The following CELF2 variants were observed in gnomAD, a reference collection of about 807,000 sequenced individuals.
The protein encoded by CELF2 is CUG triplet repeat RNA-binding protein 2.
In CELF2, 8 loss-of-function variants were observed where a neutral mutation model predicts 62.6. The observed-to-expected ratio is 0.13, with a 90% CI of 0.07 to 0.23. The LOEUF is 0.23. Ranked by LOEUF, CELF2 falls within the 10% of genes least tolerant of loss-of-function variation. The pLI, the probability that CELF2 is intolerant of heterozygous loss-of-function variation, is 1.00. For missense variants in CELF2, 333 were observed against 671.0 expected, an observed-to-expected ratio of 0.50 and a Z score of 5.56; for synonymous variants, 258 against 250.0, an observed-to-expected ratio of 1.03 and a Z score of -0.30.
At chr10:11,073,576 A>G (rs1252888351) in intron 1 of CELF2, among the ~76,000 whole-genome samples, 1 of 152,242 alleles carries the variant, frequency 6.6e-6, no homozygotes. Flanking sequence ...TATGTCAGGC[A>G]CTGTGCCTAA....
At chr10:10,648,444 T>C in the CELF2 span, among the ~76,000 whole-genome samples, 2 of 152,214 alleles carry the variant, frequency 1.3e-5, no homozygotes, top group African/African-American at 4.8e-5. Flanking sequence ...AAAATGCTCT[T>C]TCATGCATAC....
the CELF2 span, among the ~76,000 whole-genome samples, chr10:10,727,987 T>A: frequency 5.9e-3 from 888 of 150,984 alleles, 3 homozygotes; most frequent in Non-Finnish European, 8.0e-3. Context: ...GAGTGAAGAG[T>A]CGGCTGCATA....
Position 11,025,110 on chromosome 10 carries a change from C to T in CELF2, c.74+6947C>T, listed in dbSNP as rs559143337. Reference sequence around the variant, plus strand: ...GACCCTCATTTATTTGACACAAAGACAATCAGTTGGTCTTTTAGGCTAAAA... The same window carrying T: ...GACCCTCATTTATTTGACACAAAGATAATCAGTTGGTCTTTTAGGCTAAAA... On this transcript the variant is annotated intron_variant, in intron 1 of 12. Coordinates refer to ENST00000633077, the MANE Select transcript of CELF2 (RefSeq NM_001326342.2). 2.0e-5 allele frequency among the ~76,000 whole-genome samples: 3 copies of T among 152,102 alleles called. No individual in the cohort carries two copies. In the East Asian group the frequency reaches 5.8e-4, roughly 29 times the overall value.
At position 11,121,509 on chromosome 10, in the gene CELF2, G is replaced by A. The variant is rs77817052; in HGVS notation, c.75-43977G>A. Among the ~76,000 whole-genome samples the A allele has an allele frequency of 9.9e-5, 15 of 152,152 alleles. No individual in the cohort carries two copies. The East Asian group carries it at 2.3e-3, about 23-fold the overall frequency. On this transcript the variant is annotated intron_variant, in intron 1 of 12. Transcript: ENST00000633077. ...CATCTTCCCTTAACAATTATTTGAG[G>A]CCCTACTATGTGGTTGGTACCATGT... is the stretch of plus-strand genomic sequence containing the variant.
the CELF2 span, among the ~76,000 whole-genome samples, chr10:10,661,990 G>A: frequency 6.6e-6 from 1 of 152,096 alleles, no homozygotes; most frequent in Non-Finnish European, 1.5e-5. Context: ...GCAAGTAGAA[G>A]TAGCCTCCCA....
At chr10:11,182,955 C>T (rs2073876334) in intron 2 of CELF2, among the ~76,000 whole-genome samples, 1 of 152,158 alleles carries the variant, frequency 6.6e-6, no homozygotes, top group Non-Finnish European at 1.5e-5. Context: ...ATCAAAGGGT[C>T]TTTTCAACAG....
intron 2 of CELF2, among the ~76,000 whole-genome samples, chr10:11,175,010 G>A (rs2070496811): frequency 6.6e-6 from 1 of 152,074 alleles, no homozygotes; most frequent in African/African-American, 2.4e-5. Flanking sequence ...AGAAAGGGGT[G>A]TTTTTTAGAG....
At chr10:11,160,827 A>G (rs2065559621) in intron 1 of CELF2, among the ~76,000 whole-genome samples, 1 of 152,220 alleles carries the variant, frequency 6.6e-6, no homozygotes, top group Non-Finnish European at 1.5e-5. Context: ...ATTTATAGCC[A>G]TTTGGCAATT....
chr10:10,494,237 G>A, the CELF2 span, among the ~76,000 whole-genome samples: 5 of 152,234 alleles, frequency 3.3e-5, no homozygotes, highest in African/African-American at 1.2e-4. Flanking sequence ...AGGAAGGGAT[G>A]AAAAGGTAGC....
At chr10:10,783,116 G>A in the CELF2 span, among the ~76,000 whole-genome samples, 2 of 152,112 alleles carry the variant, frequency 1.3e-5, no homozygotes, top group African/African-American at 2.4e-5. Flanking sequence ...TTTCTGGTTA[G>A]TCCTGACTTC....
intron 2 of CELF2, among the ~76,000 whole-genome samples, chr10:10,974,197 A>G (rs2051080276): frequency 6.6e-6 from 1 of 152,368 alleles, no homozygotes; most frequent in Middle Eastern, 3.4e-3. Flanking sequence ...CCGAGCACAC[A>G]GTAGTTATTC....
Position 11,293,105 on chromosome 10 carries a change from C to T in CELF2, c.976+4553C>T, listed in dbSNP as rs745739890. Among the ~76,000 whole-genome samples the T allele has an allele frequency of 2.6e-5, 4 of 152,206 alleles. No homozygotes were observed. The East Asian group carries it at 7.7e-4, about 29-fold the overall frequency. ...ATCCAGAATCCAGCCAGCACACACT[C>T]GCCCAGATCAGGCCACCCCCCGTAG... On this transcript the variant is annotated intron_variant, in intron 9 of 12. Coordinates refer to ENST00000633077, the MANE Select transcript of CELF2 (RefSeq NM_001326342.2).
At chr10:11,094,637 T>A (rs1383190869) in intron 1 of CELF2, among the ~76,000 whole-genome samples, 1 of 152,192 alleles carries the variant, frequency 6.6e-6, no homozygotes, top group Non-Finnish European at 1.5e-5. Context: ...GTTAAATACA[T>A]CGGCTGATTT....
At chr10:10,605,736 G>A in the CELF2 span, among the ~76,000 whole-genome samples, 1 of 152,162 alleles carries the variant, frequency 6.6e-6, no homozygotes, top group African/African-American at 2.4e-5. Flanking sequence ...TGAAACCCTG[G>A]GCAACAACAG....
At position 11,017,894 on chromosome 10, in the gene CELF2, G is replaced by C; in HGVS notation, c.-196G>C. On this transcript the variant is annotated 5_prime_UTR_variant, in exon 1 of 13. Transcript: ENST00000633077. The surrounding 1 kb of genome is among the most constrained non-coding windows in gnomAD (Gnocchi z 5.5). ...TCCGCCCCCGCCCGCCGCACCTGGC[G>C]CTCGGCAGCCGGCCGCCCCGGCGCT... The C allele has an allele frequency of 1.0e-6, 1 of 961,476 alleles. No homozygotes were observed. The highest frequency in any genetic ancestry group is 4.8e-5 in the South Asian group (1 of 20,850). The allele number at this position is 961,476 out of a possible 1,614,324, so 59.6% of individuals were successfully genotyped here.
At chr10:10,858,421 G>A (rs941983722) in intron 1 of CELF2, among the ~76,000 whole-genome samples, 1 of 152,058 alleles carries the variant, frequency 6.6e-6, no homozygotes, top group Non-Finnish European at 1.5e-5. Flanking sequence ...CATGACCTAG[G>A]CCAAATTCAA....
rs558850663 is a variant in CELF2, at chr10:11,078,616, A to C, written c.74+60453A>C. Among the ~76,000 whole-genome samples the C allele has an allele frequency of 8.5e-5, 13 of 152,340 alleles. No homozygotes were observed. The South Asian group carries it at 1.9e-3, about 22-fold the overall frequency. ...CTAACCACTCAGAAAAGCTAGGTAG[A>C]GATGTAACACTGGACTTATTTAAAA... On this transcript the variant is annotated intron_variant, in intron 1 of 12. Transcript: ENST00000633077.
At chr10:11,032,749 G>T (rs2060329149) in intron 1 of CELF2, among the ~76,000 whole-genome samples, 1 of 152,102 alleles carries the variant, frequency 6.6e-6, no homozygotes, top group Admixed American at 6.5e-5. Flanking sequence ...ATTGACGAAG[G>T]TTGCTCAGGA....
chr10:10,764,757 G>A, the CELF2 span, among the ~76,000 whole-genome samples: 12 of 152,192 alleles, frequency 7.9e-5, no homozygotes, highest in African/African-American at 2.9e-4. Flanking sequence ...ACAACTGGAA[G>A]TAACAGAGTG....
Sources: gnomAD v4.1 joint callset for allele counts (sites outside exome capture counted in the v4.1 genomes callset) on GRCh38, gnomAD v4.1.1 for gene constraint, Gnocchi (gnomAD v3.1) non-coding constraint, MANE v1.5 for transcripts, NCBI Gene and HGNC (gene_info 2026-07-23, HGNC 2026-07-21) for gene names.